Variants in NRCAM observed in about 807,000 individuals in gnomAD.
NRCAM encodes neuronal cell adhesion molecule, also known as NgCAM-related cell adhesion molecule.
Under a neutral mutation model 156.5 loss-of-function variants are expected in NRCAM, and 83 were observed. The ratio of observed to expected loss-of-function variants is 0.53; its 90% CI spans 0.44 to 0.64. The LOEUF (loss-of-function observed/expected upper bound fraction) is 0.64. Among genes scored for constraint, NRCAM ranks in the 30% least tolerant of loss-of-function variants. The pLI, the probability that NRCAM is intolerant of heterozygous loss-of-function variation, is 0.00. For missense variants in NRCAM, 1,417 were observed against 1,597.3 expected (o/e 0.89, Z 1.92); for synonymous variants, 538 against 563.9 (o/e 0.95, Z 0.65).
At chr7:108,270,171 G>C (rs2097289387) in intron 3 of NRCAM, among the ~76,000 whole-genome samples, 2 of 152,134 alleles carry the variant, frequency 1.3e-5, no homozygotes, top group African/African-American at 4.8e-5. Context: ...AATTGGAAAA[G>C]GCAACATGAT....
chr7:108,325,648 C>T (rs1192920989), intron 2 of NRCAM, among the ~76,000 whole-genome samples: 2 of 152,036 alleles, frequency 1.3e-5, no homozygotes, highest in South Asian at 4.1e-4. Context: ...CATGATCTAA[C>T]TTACTACATG....
At chr7:108,313,480 A>G (rs1406778916) in intron 2 of NRCAM, among the ~76,000 whole-genome samples, 1 of 152,210 alleles carries the variant, frequency 6.6e-6, no homozygotes, top group Non-Finnish European at 1.5e-5. Context: ...AACCTCTGAA[A>G]AACCCTTCAG....
Position 108,300,624 on chromosome 7 carries a change from A to G in NRCAM, c.-107+12041T>C, listed in dbSNP as rs544623071. Among the ~76,000 whole-genome samples, 8 of 152,328 alleles carry G rather than the reference A, an allele frequency of 5.3e-5. No individual in the cohort carries two copies. In the South Asian group the frequency reaches 1.7e-3, roughly 32 times the overall value. On this transcript the variant is annotated intron_variant, in intron 3 of 32. Coordinates refer to ENST00000379028, the MANE Select transcript of NRCAM (RefSeq NM_001037132.4). The stretch of plus-strand genomic sequence containing the variant: ...TCTATCCTGTTGAGGCACATAGGCT[A>G]GGTGGAAGTGTAAGGTAATGATAAA...
intron 3 of NRCAM, among the ~76,000 whole-genome samples, chr7:108,273,764 A>G (rs889473082): frequency 1.3e-5 from 2 of 152,148 alleles, no homozygotes; most frequent in Non-Finnish European, 2.9e-5. Flanking sequence ...CCATTTGTCT[A>G]TTTTGGCTGT....
In NRCAM at chr7:108,147,902, C is replaced by T. The variant is rs1356849023; in HGVS notation, c.*2008G>A. On this transcript the variant is annotated 3_prime_UTR_variant, in exon 33 of 33. Coordinates refer to ENST00000379028, the MANE Select transcript of NRCAM (RefSeq NM_001037132.4). ...GAGGAAAAAATGTAGTTTTATTGTT[C>T]TCCCAAAATATTGGCAAATTTAAAG... 6.6e-6 allele frequency: 1 copy of T among 152,642 alleles called. No homozygotes were observed. The highest frequency in any genetic ancestry group is 1.5e-5 in the Non-Finnish European group (1 of 68,026). 9.5% of individuals were successfully genotyped at this position (152,642 alleles called of 1,614,324 possible). A position where few individuals can be genotyped will look rare whatever the true frequency, so the allele number is the denominator to read the frequency against.
intron 2 of NRCAM, among the ~76,000 whole-genome samples, chr7:108,385,323 A>T (rs2099736874): frequency 6.6e-6 from 1 of 152,218 alleles, no homozygotes; most frequent in African/African-American, 2.4e-5. Flanking sequence ...CAGTCTAATA[A>T]CACCACTGTT....
chr7:108,203,569 C>T (rs1253736705), intron 13 of NRCAM, among the ~76,000 whole-genome samples: 1 of 152,058 alleles, frequency 6.6e-6, no homozygotes, highest in Non-Finnish European at 1.5e-5. Context: ...TCTCCTTTTA[C>T]AGTATTTATG....
At chr7:108,418,553 C>T (rs1017964014) in intron 1 of NRCAM, among the ~76,000 whole-genome samples, 14 of 126,390 alleles carry the variant, frequency 1.1e-4, no homozygotes, top group Middle Eastern at 3.8e-3. Flanking sequence ...ATCTGGTATA[C>T]ATATTATACA....
intron 3 of NRCAM, among the ~76,000 whole-genome samples, chr7:108,286,707 G>A (rs1392095333): frequency 1.3e-5 from 2 of 152,076 alleles, no homozygotes; most frequent in Admixed American, 6.6e-5. Context: ...ACACGATCAG[G>A]CACGCTCAGG....
chr7:108,252,906 T>A (rs573125428), intron 3 of NRCAM, among the ~76,000 whole-genome samples: 118 of 152,374 alleles, frequency 7.7e-4, no homozygotes, highest in African/African-American at 2.7e-3. Flanking sequence ...CATTGCATGC[T>A]GAACATTTTA....
chr7:108,272,431 G>A (rs1018703239), intron 3 of NRCAM, among the ~76,000 whole-genome samples: 1 of 152,104 alleles, frequency 6.6e-6, no homozygotes, highest in Non-Finnish European at 1.5e-5. Flanking sequence ...TTATCCAAAA[G>A]CTCTGAAAAA....
intron 2 of NRCAM, among the ~76,000 whole-genome samples, chr7:108,372,610 A>G (rs2099636017): frequency 1.3e-5 from 2 of 152,164 alleles, no homozygotes; most frequent in Non-Finnish European, 1.5e-5. Context: ...GTTCAACATC[A>G]TTAGTCATTA....
intron 2 of NRCAM, among the ~76,000 whole-genome samples, chr7:108,370,040 T>C (rs2099618455): frequency 6.6e-6 from 1 of 152,178 alleles, no homozygotes; most frequent in Admixed American, 6.6e-5. Context: ...TATTCGGTAA[T>C]AGAATCATTC....
chr7:108,181,035 G>A (rs911609585), intron 24 of NRCAM, among the ~76,000 whole-genome samples: 2 of 151,884 alleles, frequency 1.3e-5, no homozygotes, highest in South Asian at 2.1e-4. Context: ...TTTTGTATTC[G>A]ATTGCAGGCA....
rs915570049 is a variant in NRCAM at position 108,148,144 on chromosome 7, T to C, written c.*1766A>G. ...TGCCCCATAGGCAAAGCTCTGAAGA[T>C]TTCATCGAAAAATCTGCTGTCAATA... is the stretch of plus-strand genomic sequence containing the variant. On this transcript the variant is annotated 3_prime_UTR_variant, in exon 33 of 33. Transcript: ENST00000379028. 4 of 152,554 alleles carry C rather than the reference T, an allele frequency of 2.6e-5. No homozygotes were observed. Among genetic ancestry groups the C allele is most frequent in the Admixed American group, 6.5e-5 (1 of 15,276 alleles). 9.5% of individuals were successfully genotyped at this position (152,554 alleles called of 1,614,324 possible).
At chr7:108,258,309 C>T (rs1320899058) in intron 3 of NRCAM, among the ~76,000 whole-genome samples, 1 of 152,214 alleles carries the variant, frequency 6.6e-6, no homozygotes, top group Non-Finnish European at 1.5e-5. Context: ...TGCCCCTGGT[C>T]CTTCAGCTCC....
chr7:108,424,892 T>C (rs1815093026), intron 1 of NRCAM, among the ~76,000 whole-genome samples: 2 of 152,180 alleles, frequency 1.3e-5, no homozygotes, highest in African/African-American at 2.4e-5. Flanking sequence ...ATCTGCAGCC[T>C]TTCTCAAGCA....
chr7:108,431,543 G>T (rs370252132), intron 1 of NRCAM, among the ~76,000 whole-genome samples: 1 of 152,154 alleles, frequency 6.6e-6, no homozygotes, highest in East Asian at 1.9e-4. Context: ...AGCACTTTGG[G>T]AGGCCGAGGC....
chr7:108,439,557 A>C (rs758784667), intron 1 of NRCAM, among the ~76,000 whole-genome samples: 1 of 152,184 alleles, frequency 6.6e-6, no homozygotes, highest in Non-Finnish European at 1.5e-5. Context: ...AATGGACATA[A>C]TAAAAAAGAC....
Sources: gnomAD v4.1 joint callset for allele counts (sites outside exome capture counted in the v4.1 genomes callset) on GRCh38, gnomAD v4.1.1 for gene constraint, MANE v1.5 for transcripts, NCBI Gene and HGNC (gene_info 2026-07-23, HGNC 2026-07-21) for gene names.